Variants in PSD2 observed in about 807,000 individuals in gnomAD.
PSD2 encodes PH and SEC7 domain-containing protein 2.
A neutral mutation model predicts 69.8 loss-of-function variants in PSD2; 38 were observed. That is an observed-to-expected ratio of 0.54 (90% CI 0.42 to 0.71). The LOEUF (loss-of-function observed/expected upper bound fraction) is 0.71. Among genes scored for constraint, PSD2 ranks in the 30% least tolerant of loss-of-function variants. The pLI is 0.00. For missense variants in PSD2, 943 were observed against 1,014.5 expected, an observed-to-expected ratio of 0.93 and a Z score of 0.96; for synonymous variants, 412 against 423.0, an observed-to-expected ratio of 0.97 and a Z score of 0.32.
chr5:139,802,713 C>T (rs1179731121), intron 1 of PSD2, among the ~76,000 whole-genome samples: 1 of 152,086 alleles, frequency 6.6e-6, no homozygotes, highest in East Asian at 1.9e-4. Context: ...TGACAGCAGA[C>T]TTTGTGGATT....
chr5:139,801,311 C>A (rs879844387), intron 1 of PSD2, among the ~76,000 whole-genome samples: 27 of 152,246 alleles, frequency 1.8e-4, no homozygotes, highest in Admixed American at 1.8e-3. Context: ...CTTGACTCTA[C>A]TCTTATGGGG....
At chr5:139,766,828 CTTCTTTCT>C in the PSD2 span, among the ~76,000 whole-genome samples, 1,292 of 87,712 alleles carry the variant, frequency 0.015, 30 homozygotes, top group East Asian at 0.032. Flanking sequence ...AAGTCCCTTC[CTTCTTTCT>C]TTCTTTCTTT....
At chr5:139,792,790 CCT>C (rs939421349), upstream of PSD2, among the ~76,000 whole-genome samples, 1 of 147,662 alleles carries the variant, frequency 6.8e-6, no homozygotes, top group South Asian at 2.2e-4. Context: ...TCCCTCCCTC[CCT>C]CTCTTTCTCT....
At chr5:139,771,242 G>A in the PSD2 span, among the ~76,000 whole-genome samples, 7 of 152,248 alleles carry the variant, frequency 4.6e-5, no homozygotes, top group African/African-American at 1.4e-4. Context: ...ATTTTAGGGT[G>A]AGGAATTGCG....
At chr5:139,830,531 T>TTCCTTCCC (rs1561605128) in intron 7 of PSD2, among the ~76,000 whole-genome samples, 2 of 119,694 alleles carry the variant, frequency 1.7e-5, no homozygotes, top group African/African-American at 4.1e-5. Flanking sequence ...TCTTCCTTCC[T>TTCCTTCCC]TCCTTCCTTC....
chr5:139,791,156 A>T (rs1759409216), upstream of PSD2, among the ~76,000 whole-genome samples: 1 of 152,206 alleles, frequency 6.6e-6, no homozygotes, highest in Non-Finnish European at 1.5e-5. Context: ...GGCACTCTGC[A>T]CAGTGGCTCA....
intron 1 of PSD2, among the ~76,000 whole-genome samples, chr5:139,797,003 A>G (rs535818144): frequency 1.3e-5 from 2 of 150,774 alleles, no homozygotes; most frequent in East Asian, 4.0e-4. Context: ...CCTACAAACA[A>G]GAGCTGCTTA....
chr5:139,816,066 A>G (rs975627871), intron 4 of PSD2, among the ~76,000 whole-genome samples: 3 of 151,896 alleles, frequency 2.0e-5, no homozygotes, highest in Non-Finnish European at 4.4e-5. Flanking sequence ...TCAAACCTCT[A>G]TATGCCCATT....
chr5:139,747,878 GCTGGCAGGCAGCCCTCTC>G, the PSD2 span, among the ~76,000 whole-genome samples: 1 of 152,324 alleles, frequency 6.6e-6, no homozygotes, highest in South Asian at 2.1e-4. This position sits in a 1 kb window ranked among gnomAD's most constrained non-coding sequence, Gnocchi z 6.7. Context: ...GGTGCGCGGG[GCTGGCAGGCAGCCCTCTC>G]CCGCGAGCGA....
intron 5 of PSD2, among the ~76,000 whole-genome samples, chr5:139,820,648 T>C (rs1760236615): frequency 6.6e-6 from 1 of 152,140 alleles, no homozygotes; most frequent in South Asian, 2.1e-4. Flanking sequence ...TCTTCTGAAC[T>C]CAAGACTGAT....
At chr5:139,781,211 C>T in the PSD2 span, among the ~76,000 whole-genome samples, 2 of 152,166 alleles carry the variant, frequency 1.3e-5, no homozygotes, top group Admixed American at 6.5e-5. Context: ...TCCTTTTGCA[C>T]GGGCCTTATT....
chr5:139,799,036 TCTTG>T (rs1323029691), intron 1 of PSD2, among the ~76,000 whole-genome samples: 1 of 152,206 alleles, frequency 6.6e-6, no homozygotes, highest in Non-Finnish European at 1.5e-5. Context: ...GGATTTGTCT[TCTTG>T]CTTGCTTGTG....
chr5:139,777,978 C>T, the PSD2 span, among the ~76,000 whole-genome samples: 3 of 152,232 alleles, frequency 2.0e-5, no homozygotes, highest in Non-Finnish European at 4.4e-5. Context: ...CAGTCTCCAC[C>T]ACCTTCCTCC....
At chr5:139,748,445 C>T in the PSD2 span, among the ~76,000 whole-genome samples, 1 of 152,230 alleles carries the variant, frequency 6.6e-6, no homozygotes, top group African/African-American at 2.4e-5. Flanking sequence ...CACACCTGAC[C>T]GCAATGCTCG....
chr5:139,750,025 TA>T, the PSD2 span, among the ~76,000 whole-genome samples: 2,239 of 119,694 alleles, frequency 0.019, 47 homozygotes, highest in African/African-American at 0.06. Flanking sequence ...GAGACCGTCT[TA>T]AAAAAAAAAA....
At chr5:139,760,958 G>A in the PSD2 span, among the ~76,000 whole-genome samples, 31 of 152,242 alleles carry the variant, frequency 2.0e-4, no homozygotes, top group Admixed American at 6.5e-4. Context: ...TAGGCTGATA[G>A]AGGAAACGTA....
At chr5:139,830,574 CTTTCTTTCTTTCTTTCTT>C (rs1561605255) in intron 7 of PSD2, among the ~76,000 whole-genome samples, 1 of 129,830 alleles carries the variant, frequency 7.7e-6, no homozygotes, top group African/African-American at 3.5e-5. Flanking sequence ...TCCTTTCTTT[CTTTCTTTCTTTCTTTCTT>C]TTTCTTTCTT....
At chr5:139,749,958 G>C in the PSD2 span, among the ~76,000 whole-genome samples, 2 of 152,116 alleles carry the variant, frequency 1.3e-5, no homozygotes, top group African/African-American at 4.8e-5. Flanking sequence ...TTGAACCCAG[G>C]AGGTTGAGGC....
the PSD2 span, among the ~76,000 whole-genome samples, chr5:139,752,411 T>C: frequency 6.6e-6 from 1 of 151,956 alleles, no homozygotes; most frequent in East Asian, 1.9e-4. Context: ...CAAGGAGACA[T>C]ACAGAGGCAA....
Sources: allele counts gnomAD v4.1 joint callset (sites outside exome capture counted in the v4.1 genomes callset), GRCh38; gene constraint gnomAD v4.1.1; non-coding constraint Gnocchi (gnomAD v3.1); transcripts MANE v1.5; gene names NCBI Gene and HGNC (gene_info 2026-07-23, HGNC 2026-07-21).